ADAMTS12: variants seen among roughly 807,000 people sequenced by gnomAD.
ADAMTS12 encodes A disintegrin and metalloproteinase with thrombospondin motifs 12.
Under a neutral mutation model 167.8 loss-of-function variants are expected in ADAMTS12, and 118 were observed. That is an observed-to-expected ratio of 0.70 (90% CI 0.61 to 0.82). ADAMTS12 has a LOEUF of 0.82. ADAMTS12 is among the 40% of genes least tolerant of loss of function. ADAMTS12 has a pLI of 0.00. For synonymous variants in ADAMTS12, 704 were observed against 716.9 expected, an observed-to-expected ratio of 0.98 and a Z score of 0.29; for missense variants, 1,916 against 1,998.8, an observed-to-expected ratio of 0.96 and a Z score of 0.79.
chr5:33,528,497 G>A (rs372175568), intron 23 of ADAMTS12, among the ~76,000 whole-genome samples: 1 of 152,210 alleles, frequency 6.6e-6, no homozygotes, highest in African/African-American at 2.4e-5. Flanking sequence ...ATGCAGTATT[G>A]CTATGGAAAT....
chr5:33,770,164 T>C (rs1425123940), intron 2 of ADAMTS12, among the ~76,000 whole-genome samples: 2 of 152,158 alleles, frequency 1.3e-5, no homozygotes, highest in African/African-American at 4.8e-5. Context: ...CAAAGAGACC[T>C]TCCCAGAACA....
intron 2 of ADAMTS12, among the ~76,000 whole-genome samples, chr5:33,772,445 T>A (rs982515901): frequency 6.6e-6 from 1 of 151,766 alleles, no homozygotes; most frequent in Non-Finnish European, 1.5e-5. Flanking sequence ...TGAAACTAAT[T>A]TACCATGTGT....
At position 33,630,875 on chromosome 5, in the gene ADAMTS12, G is replaced by T; in HGVS notation, c.1927C>A (p.Gln643Lys). 2.5e-6 allele frequency: 4 copies of T among 1,613,578 alleles called. No homozygotes were observed. Among genetic ancestry groups the T allele is most frequent in the Non-Finnish European group, 3.4e-6 (4 of 1,179,672 alleles). ...GCATCCAGCATTTTCTCAGAAAACT[G>T]GCCATCTATGGGTCGGCAGTAGAGC... ...CELYCRPIDG[Q>K]FSEKMLDAVI... Residue 643 changes from glutamine to lysine, a missense_variant, in exon 13 of 24, where the codon CAG becomes AAG. Physicochemically the swap from Gln to Lys is moderately conservative, Grantham distance 53. Coordinates refer to ENST00000504830, the MANE Select transcript of ADAMTS12 (RefSeq NM_030955.4).
At chr5:33,810,481 C>G (rs1253196843) in intron 2 of ADAMTS12, among the ~76,000 whole-genome samples, 1 of 152,142 alleles carries the variant, frequency 6.6e-6, no homozygotes, top group South Asian at 2.1e-4. Flanking sequence ...CCCACATACG[C>G]TATTTATCTT....
At chr5:33,673,972 C>A (rs903100324) in intron 5 of ADAMTS12, among the ~76,000 whole-genome samples, 1 of 152,168 alleles carries the variant, frequency 6.6e-6, no homozygotes, top group South Asian at 2.1e-4. Context: ...AATATACCTT[C>A]TTCATACTTG....
intron 2 of ADAMTS12, among the ~76,000 whole-genome samples, chr5:33,789,487 G>A (rs935199437): frequency 1.3e-5 from 2 of 152,196 alleles, no homozygotes; most frequent in Admixed American, 1.3e-4. Flanking sequence ...TATTCTGTCA[G>A]AGAAAAGCCA....
At chr5:33,728,580 GC>G (rs945794327) in intron 3 of ADAMTS12, among the ~76,000 whole-genome samples, 1 of 152,150 alleles carries the variant, frequency 6.6e-6, no homozygotes, top group Non-Finnish European at 1.5e-5. Flanking sequence ...AAGGCCATTT[GC>G]CCTTTAAGCC....
At chr5:33,591,387 T>C (rs1747631043) in intron 17 of ADAMTS12, among the ~76,000 whole-genome samples, 1 of 152,222 alleles carries the variant, frequency 6.6e-6, no homozygotes, top group African/African-American at 2.4e-5. Flanking sequence ...AGTCCAAAAC[T>C]GAATTTGTTA....
Position 33,885,725 on chromosome 5 carries a change from C to T in ADAMTS12, c.128-4245G>A, listed in dbSNP as rs530197889. On this transcript the variant is annotated intron_variant, in intron 1 of 23. Coordinates refer to ENST00000504830, the MANE Select transcript of ADAMTS12 (RefSeq NM_030955.4). ...GCTGCATCCTGAGGGAAGAATTCAC[C>T]TTGGAAGAGGCATCCCTTGACTGAG... Among the ~76,000 whole-genome samples the T allele has an allele frequency of 5.9e-5, 9 of 152,318 alleles. No individual in the cohort carries two copies. The East Asian group carries it at 1.7e-3, about 29-fold the overall frequency.
chr5:33,880,018 C>A (rs1180346998), intron 2 of ADAMTS12, among the ~76,000 whole-genome samples: 1 of 152,208 alleles, frequency 6.6e-6, no homozygotes, highest in African/African-American at 2.4e-5. Context: ...GGATTCCTTC[C>A]CCTGCAGTCA....
intron 9 of ADAMTS12, among the ~76,000 whole-genome samples, chr5:33,647,862 G>C (rs1269030580): frequency 6.6e-6 from 1 of 152,194 alleles, no homozygotes; most frequent in Non-Finnish European, 1.5e-5. Context: ...TTCTGTCTAA[G>C]CACAGTTATT....
chr5:33,830,185 T>C (rs959775185), intron 2 of ADAMTS12, among the ~76,000 whole-genome samples: 8 of 152,134 alleles, frequency 5.3e-5, no homozygotes, highest in Admixed American at 2.6e-4. Flanking sequence ...TCCATGAAGT[T>C]GGAAGACCTC....
intron 18 of ADAMTS12, among the ~76,000 whole-genome samples, chr5:33,578,404 AC>A (rs891601708): frequency 5.9e-5 from 9 of 152,062 alleles, no homozygotes; most frequent in Non-Finnish European, 1.2e-4. Flanking sequence ...ATTTATTTTT[AC>A]CCCCATCCCC....
chr5:33,691,522 A>C (rs1198687068), intron 3 of ADAMTS12, among the ~76,000 whole-genome samples: 2 of 152,234 alleles, frequency 1.3e-5, no homozygotes, highest in Non-Finnish European at 2.9e-5. Flanking sequence ...CCCTGGTCTT[A>C]AGGACAGTTT....
At chr5:33,569,617 A>C (rs1245778584) in intron 19 of ADAMTS12, among the ~76,000 whole-genome samples, 1 of 152,216 alleles carries the variant, frequency 6.6e-6, no homozygotes, top group African/African-American at 2.4e-5. Context: ...ATCAAAGACC[A>C]AAAGTAGATA....
rs373408673 is a variant in ADAMTS12 at position 33,577,064 on chromosome 5, G to A, written c.2962C>T (p.Arg988Ter). 1.3e-5 allele frequency: 21 copies of A among 1,614,166 alleles called. No individual in the cohort carries two copies. In the Admixed American group the frequency reaches 2.3e-4, roughly 18 times the overall value. The change falls in exon 19 of 24, where the codon CGA becomes TGA. Residue 988 changes from arginine to a stop codon, truncating the protein, a stop_gained. Transcript: ENST00000504830. LOFTEE classifies it high-confidence loss of function. Reference sequence around the variant, plus strand: ...CATTGCTGGAGGCCACACAGAGCTCGGCTGTTGGGTTTCCTTGTCACATCG... The same window carrying A: ...CATTGCTGGAGGCCACACAGAGCTCAGCTGTTGGGTTTCCTTGTCACATCG... Reference protein sequence around the residue: ...PCDVTRKPNSRALCGLQQCPS... With the variant: ...PCDVTRKPNS
chr5:33,712,689 T>C (rs1743446813), intron 3 of ADAMTS12, among the ~76,000 whole-genome samples: 1 of 152,122 alleles, frequency 6.6e-6, no homozygotes, highest in Admixed American at 6.6e-5. Flanking sequence ...ATGATCTACA[T>C]AACAAACTGG....
At chr5:33,649,531 C>T (rs759235699) in intron 8 of ADAMTS12, 23 bp downstream of exon 8, 105 of 1,610,604 alleles carry the variant, frequency 6.5e-5, no homozygotes, top group Non-Finnish European at 8.5e-5. Flanking sequence ...CAGGTGAGGG[C>T]GTCATGAGAC....
intron 17 of ADAMTS12, among the ~76,000 whole-genome samples, chr5:33,594,057 C>T (rs1183708771): frequency 6.6e-6 from 1 of 152,046 alleles, no homozygotes; most frequent in African/African-American, 2.4e-5. Context: ...TGGCTGTGTC[C>T]CCACTCAAAT....
Sources: allele counts gnomAD v4.1 joint callset (sites outside exome capture counted in the v4.1 genomes callset), GRCh38; gene constraint gnomAD v4.1.1; transcripts MANE v1.5; gene names NCBI Gene and HGNC (gene_info 2026-07-23, HGNC 2026-07-21).